Variants in XPR1 observed in about 807,000 individuals in gnomAD.
XPR1 encodes xenotropic and polytropic retrovirus receptor 1, also known as solute carrier family 53 member 1.
A neutral mutation model predicts 87.5 loss-of-function variants in XPR1; 28 were observed. The observed-to-expected ratio is 0.32, with a 90% CI of 0.24 to 0.44. XPR1 has a LOEUF of 0.44. Ranked by LOEUF, XPR1 falls within the 20% of genes least tolerant of loss-of-function variation. The pLI, the probability that XPR1 is intolerant of heterozygous loss-of-function variation, is 1.00. For missense variants in XPR1, 559 were observed against 862.3 expected (o/e 0.65, Z 4.41); for synonymous variants, 300 against 306.1 (o/e 0.98, Z 0.21).
chr1:180,804,468 CATCT>C (rs912879573), intron 4 of XPR1, among the ~76,000 whole-genome samples: 7 of 152,256 alleles, frequency 4.6e-5, no homozygotes, highest in African/African-American at 1.4e-4. Context: ...TTGAGAAAAG[CATCT>C]ATCTAATCTT....
At chr1:180,731,594 T>C (rs1177264915) in intron 2 of XPR1, among the ~76,000 whole-genome samples, 1 of 152,168 alleles carries the variant, frequency 6.6e-6, no homozygotes, top group Admixed American at 6.5e-5. Flanking sequence ...AATTTCTATG[T>C]CCATCCAAAA....
intron 2 of XPR1, among the ~76,000 whole-genome samples, chr1:180,687,619 T>C (rs1656828058): frequency 6.6e-6 from 1 of 152,102 alleles, no homozygotes; most frequent in South Asian, 2.1e-4. Context: ...ATTGAGAAAT[T>C]ATGTTTACTT....
chr1:180,714,390 TC>T (rs1657914465), intron 2 of XPR1, among the ~76,000 whole-genome samples: 1 of 148,024 alleles, frequency 6.8e-6, no homozygotes, highest in Admixed American at 6.7e-5. Context: ...TCTCTCTCTC[TC>T]TCTCTCTCTC....
intron 1 of XPR1, 128 bp from the exon 2 acceptor site, chr1:180,682,232 G>T: frequency 1.8e-6 from 1 of 541,268 alleles, no homozygotes; most frequent in East Asian, 3.3e-5. Context: ...AATGTTAATT[G>T]AAGTATTTAT....
chr1:180,767,763 G>A (rs1648342515), intron 2 of XPR1, among the ~76,000 whole-genome samples: 2 of 152,132 alleles, frequency 1.3e-5, no homozygotes, highest in South Asian at 4.2e-4. Context: ...GAAAAAATAC[G>A]CCAGTATAGT....
At chr1:180,820,120 T>G (rs1477972000) in intron 7 of XPR1, among the ~76,000 whole-genome samples, 4 of 152,180 alleles carry the variant, frequency 2.6e-5, no homozygotes, top group African/African-American at 9.7e-5. Context: ...TTTTTCCTTT[T>G]CTGTTTTTTT....
intron 2 of XPR1, among the ~76,000 whole-genome samples, chr1:180,756,701 T>G (rs2102044524): frequency 6.6e-6 from 1 of 152,336 alleles, no homozygotes; most frequent in Non-Finnish European, 1.5e-5. Context: ...GTTTGTCTTA[T>G]CTTCAGTCAT....
intron 2 of XPR1, among the ~76,000 whole-genome samples, chr1:180,772,443 C>T (rs1442660373): frequency 2.0e-5 from 3 of 152,114 alleles, no homozygotes; most frequent in African/African-American, 7.2e-5. Flanking sequence ...TGCTGCTAGA[C>T]TCTACCAGCA....
chr1:180,742,073 T>A lies in XPR1; in HGVS notation c.122-45680T>A, dbSNP rs559677854. On this transcript the variant is annotated intron_variant, in intron 2 of 14. Coordinates refer to ENST00000367590, the MANE Select transcript of XPR1 (RefSeq NM_004736.4). ...CTTGAGTTTTTTTGTTTGTTTTTTT[T>A]AAATCAATTATATTACTCTTTCTAA... Among the ~76,000 whole-genome samples the A allele has an allele frequency of 7.2e-5, 11 of 152,240 alleles. No individual in the cohort carries two copies. In the South Asian group the frequency reaches 1.0e-3, roughly 14 times the overall value.
chr1:180,662,633 C>CTATACTACAAGAAGGT (rs1437811580), intron 1 of XPR1, among the ~76,000 whole-genome samples: 6 of 152,090 alleles, frequency 3.9e-5, no homozygotes, highest in Non-Finnish European at 8.8e-5. Flanking sequence ...GCTTGGTGTT[C>CTATACTACAAGAAGGT]TATAACCTTC....
intron 12 of XPR1, among the ~76,000 whole-genome samples, chr1:180,866,921 C>T (rs1652416090): frequency 8.4e-6 from 1 of 119,504 alleles, no homozygotes; most frequent in African/African-American, 3.3e-5. Context: ...ACTAACGTGT[C>T]ATCTAGCATT....
chr1:180,838,435 T>G (rs932380421), intron 11 of XPR1, among the ~76,000 whole-genome samples: 1 of 152,156 alleles, frequency 6.6e-6, no homozygotes, highest in Non-Finnish European at 1.5e-5. Context: ...TGTATACTGA[T>G]AGCATTCAGT....
At chr1:180,832,712 T>G (rs1283681067) in intron 9 of XPR1, among the ~76,000 whole-genome samples, 4 of 152,110 alleles carry the variant, frequency 2.6e-5, no homozygotes, top group Non-Finnish European at 5.9e-5. Context: ...CGGTGTGGTG[T>G]TATTTCTGAG....
chr1:180,640,456 G>T (rs1368012832), intron 1 of XPR1, among the ~76,000 whole-genome samples: 2 of 152,244 alleles, frequency 1.3e-5, no homozygotes, highest in Non-Finnish European at 1.5e-5. Context: ...TGTGGAGATT[G>T]TAAGAGCCCA....
At chr1:180,661,279 G>A (rs930498676) in intron 1 of XPR1, among the ~76,000 whole-genome samples, 5 of 151,168 alleles carry the variant, frequency 3.3e-5, no homozygotes, top group African/African-American at 4.9e-5. Flanking sequence ...AACAGATCTT[G>A]TTAAAAAAAA....
At chr1:180,803,664 C>A in intron 4 of XPR1, 53 bp downstream of exon 4, 1 of 1,472,024 alleles carries the variant, frequency 6.8e-7, no homozygotes, top group South Asian at 1.2e-5. Context: ...TGAGAAATTT[C>A]AATAAATGGA....
chr1:180,718,544 A>G (rs1487255622), intron 2 of XPR1, among the ~76,000 whole-genome samples: 1 of 152,156 alleles, frequency 6.6e-6, no homozygotes, highest in East Asian at 1.9e-4. Context: ...AGAGGACTAG[A>G]TCAGTGATTC....
chr1:180,802,795 C>A (rs1228516445), intron 3 of XPR1, among the ~76,000 whole-genome samples: 1 of 152,112 alleles, frequency 6.6e-6, no homozygotes, highest in East Asian at 1.9e-4. Flanking sequence ...TATTTTGTGT[C>A]TGGTTTCTTT....
At chr1:180,685,273 T>G (rs1656724773) in intron 2 of XPR1, among the ~76,000 whole-genome samples, 2 of 152,364 alleles carry the variant, frequency 1.3e-5, no homozygotes, top group African/African-American at 4.8e-5. Flanking sequence ...GTTCTGTTTA[T>G]ATGTTGGATT....
Sources: allele counts gnomAD v4.1 joint callset (sites outside exome capture counted in the v4.1 genomes callset), GRCh38; gene constraint gnomAD v4.1.1; transcripts MANE v1.5; gene names NCBI Gene and HGNC (gene_info 2026-07-23, HGNC 2026-07-21).